Variants in MDN1 observed in about 807,000 individuals in gnomAD.
MDN1 encodes the protein midasin.
Under a neutral mutation model 669.2 loss-of-function variants are expected in MDN1, and 266 were observed. The ratio of observed to expected loss-of-function variants is 0.40; its 90% CI spans 0.36 to 0.44. The LOEUF (loss-of-function observed/expected upper bound fraction) is 0.44, where lower values mean the gene tolerates loss of function less well. Ranked by LOEUF, MDN1 falls within the 20% of genes least tolerant of loss-of-function variation. MDN1 has a pLI of 1.00. For missense variants in MDN1, 5,940 were observed against 6,754.0 expected (o/e 0.88, Z 4.22); for synonymous variants, 2,385 against 2,457.1 (o/e 0.97, Z 0.87).
At chr6:89,743,420 A>G (rs1816397962) in intron 30 of MDN1, 140 bp from the exon 31 acceptor site, 1 of 1,360,202 alleles carries the variant, frequency 7.4e-7, no homozygotes, top group Non-Finnish European at 1.0e-6. Flanking sequence ...GAACTTGCAC[A>G]CCAGAATGCT....
At chr6:89,691,590 T>C (rs754837853) in intron 63 of MDN1, among the ~76,000 whole-genome samples, 1 of 152,186 alleles carries the variant, frequency 6.6e-6, no homozygotes, top group South Asian at 2.1e-4. Context: ...CAAATGTAAA[T>C]GTTCAATGAT....
intron 64 of MDN1, 117 bp downstream of exon 64, chr6:89,690,556 T>G (rs1812314649): frequency 1.5e-6 from 2 of 1,310,090 alleles, no homozygotes; most frequent in Non-Finnish European, 2.1e-6. Context: ...AGACCCAGTC[T>G]CTAAAATACA....
chr6:89,700,540 C>G, intron 56 of MDN1, 106 bp downstream of exon 56: 1 of 1,092,058 alleles, frequency 9.2e-7, no homozygotes, highest in Non-Finnish European at 1.3e-6. Context: ...AAACTCTACC[C>G]CTCACATCAC....
chr6:89,746,256 T>C (rs1199125954), intron 27 of MDN1, among the ~76,000 whole-genome samples: 2 of 152,176 alleles, frequency 1.3e-5, no homozygotes, highest in Non-Finnish European at 2.9e-5. Context: ...GGTGATACTT[T>C]ACATGGGAAA....
chr6:89,665,778 G>A (rs1442139794), intron 84 of MDN1, among the ~76,000 whole-genome samples: 1 of 151,332 alleles, frequency 6.6e-6, no homozygotes, highest in Non-Finnish European at 1.5e-5. Context: ...GGTGGTTCAC[G>A]CCTATAATCC....
intron 1 of MDN1, among the ~76,000 whole-genome samples, chr6:89,803,989 A>G (rs546204286): frequency 7.0e-6 from 1 of 143,054 alleles, no homozygotes; most frequent in African/African-American, 2.6e-5. Flanking sequence ...GCAACATCCC[A>G]GGTTCAAGCG....
At position 89,781,444 on chromosome 6, in the gene MDN1, C is replaced by T. The variant is rs1473760206; in HGVS notation, c.1598G>A (p.Arg533Lys). 4.3e-6 allele frequency: 7 copies of T among 1,613,968 alleles called. No homozygotes were observed. The highest frequency in any genetic ancestry group is 5.9e-6 in the Non-Finnish European group (7 of 1,180,006). The change falls in exon 10 of 102, where the codon AGA becomes AAA. Residue 533 changes from arginine (R) to lysine (K), a missense_variant. By Grantham distance (26) the Arg-to-Lys change is conservative. Coordinates refer to ENST00000369393, the MANE Select transcript of MDN1 (RefSeq NM_014611.3). The part of the protein sequence containing the change: ...QAPEEVSEAR[R>K]ENKRPTLEGR... ...CTCAAGGGTTGGTCTTTTGTTTTCTCTTCTGGCTTCTGAAACTTCTTCAGG... is the reference window on the plus strand; with the variant it reads ...CTCAAGGGTTGGTCTTTTGTTTTCTTTTCTGGCTTCTGAAACTTCTTCAGG...
At chr6:89,758,982 T>C (rs758011807) in intron 17 of MDN1, 22 bp from the exon 18 acceptor site, 8 of 1,607,802 alleles carry the variant, frequency 5.0e-6, no homozygotes, top group Admixed American at 3.3e-5. Flanking sequence ...TAAAATAAAA[T>C]GTTAACAATG....
At chr6:89,658,150 A>G in intron 90 of MDN1, 59 bp downstream of exon 90, 1 of 1,593,490 alleles carries the variant, frequency 6.3e-7, no homozygotes, top group Non-Finnish European at 8.6e-7. Flanking sequence ...GTGATGTCGG[A>G]CAGGGAGAAG....
chr6:89,787,628 G>A (rs1283228432), intron 8 of MDN1, among the ~76,000 whole-genome samples: 2 of 149,344 alleles, frequency 1.3e-5, no homozygotes, highest in African/African-American at 5.0e-5. Context: ...ATAAGGTGAA[G>A]TGTTTTAAAC....
At chr6:89,677,448 G>C in intron 76 of MDN1, 122 bp downstream of exon 76, 1 of 1,268,814 alleles carries the variant, frequency 7.9e-7, no homozygotes, top group Admixed American at 2.3e-5. Flanking sequence ...AGGCACTTTT[G>C]TAAGTGGTAG....
intron 40 of MDN1, among the ~76,000 whole-genome samples, chr6:89,722,663 T>C (rs1038406966): frequency 1.3e-5 from 2 of 151,922 alleles, no homozygotes; most frequent in Non-Finnish European, 2.9e-5. Context: ...GCCTGACCAA[T>C]ATGGTGAAAC....
rs1584395753 is a variant in MDN1 at position 89,803,328 on chromosome 6, G to A, written c.329C>T (p.Pro110Leu). 4 of 1,612,292 alleles carry A rather than the reference G, an allele frequency of 2.5e-6. No individual in the cohort carries two copies. The highest frequency in any genetic ancestry group is 1.1e-5 in the South Asian group (1 of 91,046). Residue 110 changes from proline to leucine, a missense_variant and splice_region_variant, in exon 2 of 102, where the codon CCG becomes CTG. Pro to Leu is a moderately conservative substitution (Grantham distance 98, BLOSUM62 -3). This residue lies in a region of MDN1 where 1,203 missense variants were observed against 1,268.9 expected (regional missense o/e 0.95). Transcript: ENST00000369393. ...KLIGNHPDVL[P>L]FALRYFKDTS... ...TGCGAATAATAAAATTGCTACTCAC[G>A]GGAGGACATCAGGATGGTTACCAAT...
intron 7 of MDN1, among the ~76,000 whole-genome samples, chr6:89,788,467 G>A (rs1584373013): frequency 6.6e-6 from 1 of 152,320 alleles, no homozygotes; most frequent in East Asian, 1.9e-4. Context: ...GCAGAAGTAT[G>A]CAAGTGTATT....
intron 1 of MDN1, among the ~76,000 whole-genome samples, chr6:89,816,089 C>T (rs1768805925): frequency 6.6e-6 from 1 of 152,176 alleles, no homozygotes; most frequent in South Asian, 2.1e-4. Context: ...CTAGATAACA[C>T]TGCTTTCTCA....
At position 89,658,877 on chromosome 6, in the gene MDN1, T is replaced by G. The variant is rs1444218525; in HGVS notation, c.14754A>C (p.Ala4918=). The part of the protein sequence containing the change: ...PLEIKEKPEE[A]GHEAEERGET... ...CTCCTCTTTCCTCAGCTTCATGACC[T>G]GCTTCTTCTGGTTTTTCTTTTATCT... The change falls in exon 89 of 102, where the codon GCA becomes GCC. Residue 4918 remains alanine, a synonymous_variant. Coordinates refer to ENST00000369393, the MANE Select transcript of MDN1 (RefSeq NM_014611.3). 3.7e-6 allele frequency: 6 copies of G among 1,613,002 alleles called. No individual in the cohort carries two copies. The African/African-American group carries it at 8.0e-5, about 22-fold the overall frequency.
intron 1 of MDN1, among the ~76,000 whole-genome samples, chr6:89,815,722 T>C (rs889068156): frequency 6.6e-5 from 10 of 152,194 alleles, no homozygotes; most frequent in South Asian, 2.1e-4. Context: ...TCATCTACAA[T>C]GTGAAGAGCT....
Position 89,736,235 on chromosome 6 carries a change from C to A in MDN1, c.4723+2091G>T, listed in dbSNP as rs113196447. Among the ~76,000 whole-genome samples the A allele has an allele frequency of 8.7e-4, 133 of 152,258 alleles. 1 individual carries two copies. The highest frequency in any genetic ancestry group is 2.8e-3 in the African/African-American group (118 of 41,552). On this transcript the variant is annotated intron_variant, in intron 33 of 101. Transcript: ENST00000369393. ...CCCTGGGAAGTCTGCTGCTGTGTAG[C>A]CTAGAAAGCCTGGAGTAAACAAGCT... is the stretch of plus-strand genomic sequence containing the variant.
intron 30 of MDN1, 27 bp from the exon 31 acceptor site, chr6:89,743,307 T>G: frequency 6.2e-7 from 1 of 1,613,630 alleles, no homozygotes; most frequent in Non-Finnish European, 8.5e-7. Flanking sequence ...TGGGGAAAAT[T>G]AAAGGGCAGG....
Sources: allele counts gnomAD v4.1 joint callset (sites outside exome capture counted in the v4.1 genomes callset), GRCh38; gene constraint gnomAD v4.1.1; regional missense constraint gnomAD v4.1.1; transcripts MANE v1.5; gene names NCBI Gene and HGNC (gene_info 2026-07-23, HGNC 2026-07-21).